Variants in SLC44A2 observed in about 807,000 individuals in gnomAD.
SLC44A2 encodes solute carrier family 44 member 2 (CTL2 blood group).
SLC44A2 carries 57 observed loss-of-function variants against 90.8 expected under a neutral mutation model. The ratio of observed to expected loss-of-function variants is 0.63; its 90% CI spans 0.51 to 0.78. The LOEUF (loss-of-function observed/expected upper bound fraction) is 0.78. Among genes scored for constraint, SLC44A2 ranks in the 30% least tolerant of loss-of-function variants. The pLI is 0.00. For synonymous variants in SLC44A2, 355 were observed against 360.7 expected (o/e 0.98, Z 0.18); for missense variants, 794 against 919.7 (o/e 0.86, Z 1.77).
intron 1 of SLC44A2, among the ~76,000 whole-genome samples, chr19:10,611,135 C>A (rs1341927338): frequency 6.6e-6 from 1 of 151,978 alleles, no homozygotes; most frequent in Non-Finnish European, 1.5e-5. Flanking sequence ...GCCTCTGTGC[C>A]GGGCTAGAGA....
In SLC44A2 at chr19:10,627,925, AC is replaced by A; in HGVS notation, c.167del (p.Thr56IlefsTer8). The A allele has an allele frequency of 6.2e-7, 1 of 1,613,804 alleles. No homozygotes were observed. The highest frequency in any genetic ancestry group is 8.5e-7 in the Non-Finnish European group (1 of 1,179,960). On this transcript the variant is annotated frameshift_variant, in exon 4 of 22. Transcript: ENST00000335757. LOFTEE classifies it high-confidence loss of function. ...GYVAVGIIAW[T>X]HGDPRKVIYP... ...ATCCCTGGATCTTTCCACAGCCTGG[AC>A]TCATGGAGACCCTCGAAAGGTGATC...
chr19:10,631,005 C>CG, intron 4 of SLC44A2, 52 bp from the exon 5 acceptor site: 1 of 1,213,816 alleles, frequency 8.2e-7, no homozygotes, highest in Non-Finnish European at 1.2e-6. Flanking sequence ...GACTCTGTCT[C>CG]AAAAAAAAAA....
rs183713762 is a variant in SLC44A2, at chr19:10,605,454, C to T, written c.31+2893C>T. ...GCTTGAACTTGGGAGGCAGAGGTTG[C>T]GGTGAGCCGAGTTTGTGCCACTGCA... On this transcript the variant is annotated intron_variant, in intron 1 of 21. Coordinates refer to the SLC44A2 transcript ENST00000407327. Among the ~76,000 whole-genome samples the T allele has an allele frequency of 1.3e-4, 20 of 152,052 alleles. 1 individual carries two copies. The highest frequency in any genetic ancestry group is 3.9e-4 in the Admixed American group (6 of 15,232).
chr19:10,629,691 C>G (rs2066973055), intron 4 of SLC44A2, among the ~76,000 whole-genome samples: 1 of 152,074 alleles, frequency 6.6e-6, no homozygotes, highest in South Asian at 2.1e-4. Flanking sequence ...GATCTTCCCA[C>G]CTGGGCCTTC....
At chr19:10,638,797 GCTAA>G (rs1394296989) in intron 20 of SLC44A2, among the ~76,000 whole-genome samples, 2 of 151,040 alleles carry the variant, frequency 1.3e-5, no homozygotes, top group Admixed American at 6.6e-5. Context: ...ACCACACCTG[GCTAA>G]CTTTTTTTTT....
chr19:10,638,061 T>A lies in SLC44A2; in HGVS notation c.1808T>A (p.Leu603Gln). The A allele has an allele frequency of 6.2e-7, 1 of 1,614,040 alleles. No homozygotes were observed. The change falls in exon 19 of 22, where the codon CTG (leucine) becomes CAG (glutamine). Residue 603 changes from leucine (L) to glutamine (Q), a missense_variant. By Grantham distance (113) the Leu-to-Gln change is moderately radical. This residue lies in a region of SLC44A2 where 738 missense variants were observed against 841.1 expected (regional missense o/e 0.88). Transcript: ENST00000335757. ...GATAAAGTTACTGACTTCCTCTTCC[T>A]GTTGGGCAAACTTCTGATCGTTGGT... ...VLDKVTDFLF[L>Q]LGKLLIVGSV... is the part of the protein sequence containing the mutation.
At chr19:10,612,716 G>A (rs543591771) in intron 1 of SLC44A2, among the ~76,000 whole-genome samples, 3 of 152,346 alleles carry the variant, frequency 2.0e-5, no homozygotes, top group South Asian at 2.1e-4. Flanking sequence ...GGCAGGCTGT[G>A]GCAGTTCTCT....
intron 21 of SLC44A2, chr19:10,643,016 TAG>T (rs748058831): frequency 1.0e-5 from 16 of 1,541,696 alleles, no homozygotes; most frequent in Non-Finnish European, 1.4e-5. Context: ...AGCCGAGGAG[TAG>T]AGAGTGAGGG....
rs1213409014 is a variant in SLC44A2, at chr19:10,631,879, G to A, written c.638G>A (p.Gly213Glu). The A allele has an allele frequency of 6.2e-7, 1 of 1,614,240 alleles. No individual in the cohort carries two copies. The change falls in exon 9 of 22, where the codon GGA becomes GAA. Residue 213 changes from glycine (G) to glutamate (E), a missense_variant. By Grantham distance (98) the Gly-to-Glu change is moderately conservative. Coordinates refer to ENST00000335757, the MANE Select transcript of SLC44A2 (RefSeq NM_020428.4). ...CCTCCTTCCCCCAGGAAAGCCAATGGAGTCCTAGAGGCGCGGCAACTCGCC... is the reference window on the plus strand; with the variant it reads ...CCTCCTTCCCCCAGGAAAGCCAATGAAGTCCTAGAGGCGCGGCAACTCGCC... ...DLVEGAKKAN[G>E]VLEARQLAMR...
rs545695700 is a variant in SLC44A2 at position 10,635,202 on chromosome 19, G to A, written c.1095G>A (p.Leu365=). The change falls in exon 13 of 22, where the codon CTG becomes CTA. Residue 365 remains leucine, a synonymous_variant. Coordinates refer to ENST00000335757, the MANE Select transcript of SLC44A2 (RefSeq NM_020428.4). ...GYVMCSLLYP[L]VTFFLLCLCI... is the part of the protein sequence containing the mutation. The stretch of plus-strand genomic sequence containing the variant: ...TCATGTGCTCCTTGCTCTACCCACT[G>A]GTCACCTTCTTCTTGCTGTGCCTCT... 7 of 1,613,974 alleles carry A rather than the reference G, an allele frequency of 4.3e-6. No individual in the cohort carries two copies. In the South Asian group the frequency reaches 7.7e-5, roughly 18 times the overall value.
In SLC44A2 at chr19:10,634,755, G is replaced by A; in HGVS notation, c.824-1G>A. On this transcript the variant is annotated splice_acceptor_variant, in intron 10 of 21. Coordinates refer to ENST00000335757, the MANE Select transcript of SLC44A2 (RefSeq NM_020428.4). LOFTEE classifies it high-confidence loss of function. ...ACTGAGCTTGTGGTTCCCCCATGCA[G>A]GAATATTTCACTGCTACATGGAGTA... 6.2e-7 allele frequency: 1 copy of A among 1,614,174 alleles called. No homozygotes were observed. Among genetic ancestry groups the A allele is most frequent in the African/African-American group, 1.3e-5 (1 of 75,054 alleles).
chr19:10,615,288 T>C (rs1195497829), intron 1 of SLC44A2, among the ~76,000 whole-genome samples: 1 of 148,128 alleles, frequency 6.8e-6, no homozygotes, highest in East Asian at 2.0e-4. Context: ...AAAAAAAAAT[T>C]AGGGGCCAGG....
At chr19:10,629,724 C>A (rs2066973392) in intron 4 of SLC44A2, among the ~76,000 whole-genome samples, 1 of 151,874 alleles carries the variant, frequency 6.6e-6, no homozygotes, top group Non-Finnish European at 1.5e-5. Flanking sequence ...ACAAGACAGG[C>A]CTGAGCCACC....
chr19:10,617,471 C>T (rs996191895), intron 1 of SLC44A2, among the ~76,000 whole-genome samples: 1 of 152,186 alleles, frequency 6.6e-6, no homozygotes, highest in South Asian at 2.1e-4. Flanking sequence ...TCTGCATTTT[C>T]AGCTCCATCT....
chr19:10,636,545 C>T lies in SLC44A2; in HGVS notation c.1456C>T (p.Pro486Ser). 1 of 1,608,076 alleles carries T rather than the reference C, an allele frequency of 6.2e-7. No homozygotes were observed. Residue 486 changes from proline to serine, a missense_variant, in exon 15 of 22, where the codon CCG (proline) becomes TCG (serine). By Grantham distance (74) the Pro-to-Ser change is moderately conservative (BLOSUM62 -1). Transcript: ENST00000335757. ...YWALRKPDDL[P>S]AFPLFSAFGR... is the part of the protein sequence containing the mutation. ...GGCCCTGCGCAAGCCGGACGACCTG[C>T]CGGCCTTCCCGCTCTTCTCTGCCTT...
intron 10 of SLC44A2, among the ~76,000 whole-genome samples, chr19:10,633,971 C>CTTTTT (rs1599252391): frequency 2.2e-5 from 1 of 45,986 alleles, no homozygotes; most frequent in East Asian, 8.1e-4. Flanking sequence ...AACCCCATCT[C>CTTTTT]TATTTTTTTT....
rs745599112 is a variant in SLC44A2, at chr19:10,626,237, T to G, written c.38-16T>G. ...AGGTCTCCAATCCCATCCATCTTAATCTTCTTGACTTTCAGGAACGCCACA... is the reference window on the plus strand; with the variant it reads ...AGGTCTCCAATCCCATCCATCTTAAGCTTCTTGACTTTCAGGAACGCCACA... On this transcript the variant is annotated splice_polypyrimidine_tract_variant and intron_variant, in intron 1 of 21. Transcript: ENST00000335757. 6.2e-7 allele frequency: 1 copy of G among 1,609,622 alleles called. No homozygotes were observed. The highest frequency in any genetic ancestry group is 1.7e-5 in the Admixed American group (1 of 59,998).
In SLC44A2 at chr19:10,625,573, G is replaced by T; in HGVS notation, c.-61G>T. ...CGGTCAGTGCCTCCCTCCAGACTCG[G>T]GAGGGTCGAGGGGGCGCGGGAGAGA... is the stretch of plus-strand genomic sequence containing the variant. On this transcript the variant is annotated 5_prime_UTR_variant, in exon 1 of 22. Coordinates refer to ENST00000335757, the MANE Select transcript of SLC44A2 (RefSeq NM_020428.4). 1 of 1,235,368 alleles carries T rather than the reference G, an allele frequency of 8.1e-7. No individual in the cohort carries two copies. The allele number at this position is 1,235,368 out of a possible 1,614,324, so 76.5% of individuals were successfully genotyped here. A position where few individuals can be genotyped will look rare whatever the true frequency, so the allele number is the denominator to read the frequency against.
intron 1 of SLC44A2, among the ~76,000 whole-genome samples, chr19:10,605,348 C>G (rs1918072376): frequency 6.6e-6 from 1 of 151,942 alleles, no homozygotes; most frequent in South Asian, 2.1e-4. Flanking sequence ...ATTCCCATCT[C>G]TATTAAAAAT....
Sources: gnomAD v4.1 joint callset for allele counts (sites outside exome capture counted in the v4.1 genomes callset) on GRCh38, gnomAD v4.1.1 for gene constraint, gnomAD v4.1.1 regional missense constraint, MANE v1.5 for transcripts, NCBI Gene and HGNC (gene_info 2026-07-23, HGNC 2026-07-21) for gene names.